PKHD1: variants seen among roughly 807,000 people sequenced by gnomAD.
The protein encoded by PKHD1 is PKHD1 ciliary IPT domain containing fibrocystin/polyductin.
A neutral mutation model predicts 412.0 loss-of-function variants in PKHD1; 291 were observed. That is an observed-to-expected ratio of 0.71 (90% CI 0.64 to 0.78). The LOEUF (loss-of-function observed/expected upper bound fraction) is 0.78. Among genes scored for constraint, PKHD1 ranks in the 30% least tolerant of loss-of-function variants. The pLI, the probability that PKHD1 is intolerant of heterozygous loss-of-function variation, is 0.00. For missense variants in PKHD1, 4,825 were observed against 4,950.7 expected, an observed-to-expected ratio of 0.97 and a Z score of 0.76; for synonymous variants, 1,777 against 1,821.5, an observed-to-expected ratio of 0.98 and a Z score of 0.62.
chr6:51,720,869 A>G (rs1395774312), intron 60 of PKHD1: 1 of 424,684 alleles, frequency 2.4e-6, no homozygotes, highest in East Asian at 1.6e-4. Context: ...TACATACAGC[A>G]TTTATTACAA....
intron 11 of PKHD1, among the ~76,000 whole-genome samples, chr6:52,067,920 A>AT (rs1167690505): frequency 2.6e-5 from 4 of 152,148 alleles, no homozygotes; most frequent in African/African-American, 9.7e-5. Context: ...AGGGGCTTGA[A>AT]GGGGCAGAGG....
At chr6:52,072,672 A>G (rs1810802684) in intron 7 of PKHD1, among the ~76,000 whole-genome samples, 1 of 152,160 alleles carries the variant, frequency 6.6e-6, no homozygotes, top group South Asian at 2.1e-4. Flanking sequence ...ATAAGATCAT[A>G]TTCTCTTCAA....
In PKHD1 at chr6:51,924,266, T is replaced by C. The variant is rs147132875; in HGVS notation, c.6121+9844A>G. 1.4e-3 allele frequency among the ~76,000 whole-genome samples: 210 copies of C among 152,302 alleles called. 1 individual carries two copies. The highest frequency in any genetic ancestry group is 0.011 in the South Asian group (53 of 4,826). Reference sequence around the variant, plus strand: ...TCCATTTACTTAACAAAGTTGAGTTTCTTGTGGTACTCAAAAATGTAAAAA... The same window carrying C: ...TCCATTTACTTAACAAAGTTGAGTTCCTTGTGGTACTCAAAAATGTAAAAA... On this transcript the variant is annotated intron_variant, in intron 37 of 66. Transcript: ENST00000371117.
At chr6:51,925,883 G>A (rs1785523222) in intron 37 of PKHD1, among the ~76,000 whole-genome samples, 1 of 151,084 alleles carries the variant, frequency 6.6e-6, no homozygotes, top group Non-Finnish European at 1.5e-5. Flanking sequence ...TTAATCCTGA[G>A]GCTTTTGCTC....
chr6:51,949,325 T>C lies in PKHD1; in HGVS notation c.5908+10545A>G, dbSNP rs376255228. On this transcript the variant is annotated intron_variant, in intron 36 of 66. Coordinates refer to ENST00000371117, the MANE Select transcript of PKHD1 (RefSeq NM_138694.4). ...CCCTTTCCCTGGAGAAAAGGAATCA[T>C]CCATTCAAGATGGACAAATCCTGCT... 8.5e-5 allele frequency among the ~76,000 whole-genome samples: 13 copies of C among 152,300 alleles called. No homozygotes were observed. The South Asian group carries it at 1.5e-3, about 17-fold the overall frequency.
intron 43 of PKHD1, among the ~76,000 whole-genome samples, chr6:51,901,033 G>C (rs1329318580): frequency 2.6e-5 from 4 of 152,132 alleles, no homozygotes; most frequent in African/African-American, 9.6e-5. Flanking sequence ...TGCTGGAGAG[G>C]ATGTGGAGAA....
intron 46 of PKHD1, among the ~76,000 whole-genome samples, chr6:51,882,454 A>T (rs889189734): frequency 6.6e-6 from 1 of 152,242 alleles, no homozygotes; most frequent in Admixed American, 6.5e-5. Context: ...TTAAATTTCA[A>T]TTGAACTAAG....
intron 50 of PKHD1, among the ~76,000 whole-genome samples, chr6:51,843,322 G>T (rs1582990884): frequency 6.6e-6 from 1 of 152,234 alleles, no homozygotes; most frequent in East Asian, 1.9e-4. Context: ...GGAATCACAT[G>T]GGCAAGAGAG....
At chr6:51,966,217 T>C (rs962254266) in intron 35 of PKHD1, among the ~76,000 whole-genome samples, 10 of 152,286 alleles carry the variant, frequency 6.6e-5, no homozygotes, top group Middle Eastern at 6.8e-3. Flanking sequence ...AGCTTGGTTT[T>C]ATACATTTTA....
At chr6:51,910,016 T>C (rs558012290) in intron 39 of PKHD1, among the ~76,000 whole-genome samples, 2 of 152,118 alleles carry the variant, frequency 1.3e-5, no homozygotes, top group Non-Finnish European at 2.9e-5. Context: ...CAACACCTAC[T>C]TCCCCAGCTG....
chr6:51,668,789 A>T (rs1774339753), intron 60 of PKHD1, among the ~76,000 whole-genome samples: 2 of 152,226 alleles, frequency 1.3e-5, no homozygotes, highest in Admixed American at 6.5e-5. Flanking sequence ...CCTTTTCTGC[A>T]TCTATTGAGA....
chr6:51,986,726 T>C (rs1178929295), intron 35 of PKHD1, among the ~76,000 whole-genome samples: 6 of 152,210 alleles, frequency 3.9e-5, no homozygotes, highest in East Asian at 1.9e-4. Flanking sequence ...TTCAGTTGCC[T>C]AGCAAATTAA....
intron 52 of PKHD1, among the ~76,000 whole-genome samples, chr6:51,796,188 C>T (rs1244409114): frequency 1.4e-5 from 2 of 143,834 alleles, no homozygotes; most frequent in African/African-American, 5.0e-5. Flanking sequence ...TTTCAGAACT[C>T]ATTATTAATC....
chr6:51,728,679 A>G (rs1429765067), intron 60 of PKHD1, among the ~76,000 whole-genome samples: 2 of 152,212 alleles, frequency 1.3e-5, no homozygotes, highest in East Asian at 3.9e-4. Context: ...TGGCCATCAG[A>G]GATCTGAAGC....
rs1338082486 is a variant in PKHD1 at position 52,025,895 on chromosome 6, G to A, written c.3915C>T (p.Ala1305=). 2 of 1,614,086 alleles carry A rather than the reference G, an allele frequency of 1.2e-6. No homozygotes were observed. Among genetic ancestry groups the A allele is most frequent in the Admixed American group, 1.7e-5 (1 of 60,016 alleles). The change falls in exon 32 of 67, where the codon GCC becomes GCT. Residue 1305 remains alanine (A), a synonymous_variant. Coordinates refer to ENST00000371117, the MANE Select transcript of PKHD1 (RefSeq NM_138694.4). ...TGCTATTTGTGATTTCTCCTTGCAT[G>A]GCAGTGACTACTGGTGTTGCTGCCG... ...YEAAATPVVT[A]MQGEITNSSL...
Position 52,027,854 on chromosome 6 carries a change from G to A in PKHD1, c.3603C>T (p.Ile1201=), listed in dbSNP as rs565924770. Residue 1201 remains isoleucine (I), a synonymous_variant, in exon 31 of 67, where the codon ATC becomes ATT. Coordinates refer to ENST00000371117, the MANE Select transcript of PKHD1 (RefSeq NM_138694.4). ...HIQYLTEVFS[I]EPCCGSLLGG... is the part of the protein sequence containing the mutation. ...CCAGCAGGGACCCACAGCAAGGCTC[G>A]ATGCTGAAAACTTCTGTGAGGTACT... 16 of 1,613,170 alleles carry A rather than the reference G, an allele frequency of 9.9e-6. No homozygotes were observed. Among genetic ancestry groups the A allele is most frequent in the Non-Finnish European group, 1.3e-5 (15 of 1,179,222 alleles).
intron 60 of PKHD1, among the ~76,000 whole-genome samples, chr6:51,734,257 G>A (rs982823563): frequency 7.2e-5 from 11 of 152,104 alleles, no homozygotes; most frequent in South Asian, 2.1e-4. Flanking sequence ...AATAGTCAGA[G>A]TTTTCAAAAT....
At chr6:52,015,694 A>G (rs925173871) in intron 34 of PKHD1, among the ~76,000 whole-genome samples, 33 of 151,974 alleles carry the variant, frequency 2.2e-4, no homozygotes, top group African/African-American at 7.7e-4. Flanking sequence ...CGTGGTGGTG[A>G]GCACCTGTAG....
intron 60 of PKHD1, among the ~76,000 whole-genome samples, chr6:51,668,624 A>C (rs574050738): frequency 4.8e-4 from 73 of 152,262 alleles, no homozygotes; most frequent in African/African-American, 1.7e-3. Context: ...GTCTTGTGCC[A>C]GTTTTCAAAG....
Sources: gnomAD v4.1 joint callset for allele counts (sites outside exome capture counted in the v4.1 genomes callset) on GRCh38, gnomAD v4.1.1 for gene constraint, MANE v1.5 for transcripts, NCBI Gene and HGNC (gene_info 2026-07-23, HGNC 2026-07-21) for gene names.